PAX8: variants seen among roughly 807,000 people sequenced by gnomAD.
PAX8 encodes paired box 8.
A neutral mutation model predicts 52.4 loss-of-function variants in PAX8; 15 were observed. The observed-to-expected ratio is 0.29, with a 90% CI of 0.19 to 0.44. PAX8 has a LOEUF of 0.44. Among genes scored for constraint, PAX8 ranks in the 20% least tolerant of loss-of-function variants. The pLI is 1.00. For missense variants in PAX8, 554 were observed against 602.5 expected (o/e 0.92, Z 0.84); for synonymous variants, 284 against 249.7 (o/e 1.14, Z -1.29).
chr2:113,249,554 T>G (rs1691598955), intron 2 of PAX8, among the ~76,000 whole-genome samples: 1 of 151,990 alleles, frequency 6.6e-6, no homozygotes, highest in Admixed American at 6.6e-5. Context: ...AATGCCATTC[T>G]GGGGTGGCAT....
chr2:113,230,101 C>A (rs546309287), intron 9 of PAX8, among the ~76,000 whole-genome samples: 1 of 152,296 alleles, frequency 6.6e-6, no homozygotes, highest in East Asian at 1.9e-4. Flanking sequence ...CTGGTAGGGA[C>A]CTCCTGGCAC....
rs149393167 is a variant in PAX8, at chr2:113,253,970, A to G, written c.26-7051T>C. Among the ~76,000 whole-genome samples, 82 of 152,350 alleles carry G rather than the reference A, an allele frequency of 5.4e-4. 1 individual carries two copies. In the East Asian group the frequency reaches 0.014, roughly 26 times the overall value. On this transcript the variant is annotated intron_variant, in intron 2 of 11. Coordinates refer to ENST00000429538, the MANE Select transcript of PAX8 (RefSeq NM_003466.4). ...AATCATAACTGTCTTCTATCACCAGATAGAAAGCTCCATGAGGGGAAGACT... is the reference window on the plus strand; with the variant it reads ...AATCATAACTGTCTTCTATCACCAGGTAGAAAGCTCCATGAGGGGAAGACT...
At chr2:113,272,908 C>A (rs1364697214) in intron 2 of PAX8, 1 of 152,198 alleles carries the variant, frequency 6.6e-6, no homozygotes, top group East Asian at 1.9e-4. Context: ...CGAAGGGGGG[C>A]AGTGCACCAA....
Position 113,233,330 on chromosome 2 carries a change from G to GAA in PAX8, c.1087+2062_1087+2063dup, listed in dbSNP as rs35244828. ...ACATTAGGTGCTGGGATGTACGGAG[G>GAA]AAAAAAAAAAAAAAACCCGGGTGCC... On this transcript the variant is annotated intron_variant, in intron 9 of 11. Transcript: ENST00000429538. Among the ~76,000 whole-genome samples, 558 of 137,750 alleles carry GAA rather than the reference G, an allele frequency of 4.1e-3. 2 individuals carry two copies. Among genetic ancestry groups the GAA allele is most frequent in the Middle Eastern group, 7.5e-3 (2 of 268 alleles). The allele number at this position is 137,750 out of a possible 152,430, so 90.4% of individuals were successfully genotyped here.
chr2:113,231,821 T>C (rs993567534), intron 9 of PAX8, among the ~76,000 whole-genome samples: 3 of 152,196 alleles, frequency 2.0e-5, no homozygotes, highest in Non-Finnish European at 4.4e-5. Context: ...CTCCGCCTCC[T>C]GGGTTTAAGC....
Position 113,233,683 on chromosome 2 carries a change from A to C in PAX8, c.1087+1711T>G, listed in dbSNP as rs564991050. On this transcript the variant is annotated intron_variant, in intron 9 of 11. Coordinates refer to ENST00000429538, the MANE Select transcript of PAX8 (RefSeq NM_003466.4). ...ACAGAGTGAGATTCCATCTCAAAAAACAAAAAAACAAAAAAAAAAGGGTCC... is the reference window on the plus strand; with the variant it reads ...ACAGAGTGAGATTCCATCTCAAAAACCAAAAAAACAAAAAAAAAAGGGTCC... Among the ~76,000 whole-genome samples the C allele has an allele frequency of 1.8e-4, 26 of 143,036 alleles. No individual in the cohort carries two copies. In the South Asian group the frequency reaches 5.5e-3, roughly 30 times the overall value. The allele number at this position is 143,036 out of a possible 152,430, so 93.8% of individuals were successfully genotyped here.
Position 113,277,098 on chromosome 2 carries a change from C to T in PAX8, c.25+1272G>A, listed in dbSNP as rs533106235. Among the ~76,000 whole-genome samples the T allele has an allele frequency of 1.1e-4, 16 of 152,344 alleles. No homozygotes were observed. The South Asian group carries it at 3.3e-3, about 32-fold the overall frequency. On this transcript the variant is annotated intron_variant, in intron 2 of 11. Coordinates refer to ENST00000429538, the MANE Select transcript of PAX8 (RefSeq NM_003466.4). ...CCCAGGGCTCCCCAACCCCGCCGCG[C>T]CGGGGAATGGCTGCGAGGTCTCTCC... is the stretch of plus-strand genomic sequence containing the variant.
At chr2:113,265,502 C>T (rs895416) in intron 2 of PAX8, 32,933 of 152,474 alleles carry the variant, frequency 0.22, 3,684 homozygotes, top group Non-Finnish European at 0.24. Flanking sequence ...CTGGAACCTG[C>T]ACACCCTCCT....
At position 113,236,573 on chromosome 2, in the gene PAX8, C is replaced by T. The variant is rs1394393383; in HGVS notation, c.898+28G>A. The stretch of plus-strand genomic sequence containing the variant: ...AAGCTCTTCAGTCCCCCGCCCTCCA[C>T]CTGCCAGGGAGGCTCCGGGCGTTGT... On this transcript the variant is annotated intron_variant, in intron 8 of 11. Transcript: ENST00000429538. 2.6e-6 allele frequency: 4 copies of T among 1,549,838 alleles called. No individual in the cohort carries two copies. The East Asian group carries it at 9.7e-5, about 38-fold the overall frequency.
At chr2:113,221,091 G>A (rs968813285) in intron 10 of PAX8, among the ~76,000 whole-genome samples, 1 of 152,144 alleles carries the variant, frequency 6.6e-6, no homozygotes, top group African/African-American at 2.4e-5. Context: ...TACCCCATGA[G>A]GTACTCATGG....
intron 10 of PAX8, among the ~76,000 whole-genome samples, chr2:113,222,269 C>A (rs907819302): frequency 1.3e-5 from 2 of 152,234 alleles, no homozygotes; most frequent in African/African-American, 4.8e-5. Context: ...CCTTTTACCA[C>A]ACCCTACCCA....
intron 5 of PAX8, 130 bp from the exon 6 acceptor site, chr2:113,242,260 G>T: frequency 9.7e-6 from 7 of 721,620 alleles, no homozygotes; most frequent in African/African-American, 1.7e-5. Context: ...GCAAGGGGTG[G>T]GACACCCCTT....
intron 2 of PAX8, among the ~76,000 whole-genome samples, chr2:113,259,850 G>A (rs1692536767): frequency 6.6e-6 from 1 of 152,228 alleles, no homozygotes; most frequent in Non-Finnish European, 1.5e-5. Flanking sequence ...TCGCACACCA[G>A]GGCTGTGGAA....
intron 2 of PAX8, among the ~76,000 whole-genome samples, chr2:113,260,975 C>T (rs1276615306): frequency 6.6e-6 from 1 of 151,652 alleles, no homozygotes; most frequent in Non-Finnish European, 1.5e-5. Flanking sequence ...ATCCTGGGGA[C>T]CATAACAGGT....
rs1395652316 is a variant in PAX8, at chr2:113,241,551, C to G, written c.777G>C (p.Gln259His). Reference sequence around the variant, plus strand: ...CACCTCCCAGGGCCCAGCTTCTCACCTGCTCGCCTTTGGTGTGGCTGGGGG... The same window carrying G: ...CACCTCCCAGGGCCCAGCTTCTCACGTGCTCGCCTTTGGTGTGGCTGGGGG... ...YASPSHTKGE[Q>H]GLYPLPLLNS... Residue 259 changes from glutamine to histidine, a missense_variant and splice_region_variant, in exon 7 of 12, where the codon CAG (glutamine) becomes CAC (histidine). Physicochemically the swap from Gln to His is conservative, Grantham distance 24. This residue lies in a region of PAX8 where 445 missense variants were observed against 409.9 expected (regional missense o/e 1.09). Transcript: ENST00000429538. The G allele has an allele frequency of 2.5e-6, 4 of 1,607,172 alleles. No homozygotes were observed. The highest frequency in any genetic ancestry group is 3.4e-6 in the Non-Finnish European group (4 of 1,177,440).
At chr2:113,220,897 C>T (rs1255003705) in intron 10 of PAX8, among the ~76,000 whole-genome samples, 39 of 152,206 alleles carry the variant, frequency 2.6e-4, no homozygotes, top group Admixed American at 2.6e-3. Flanking sequence ...ATCAGATCAC[C>T]TCCTTCTGTT....
intron 2 of PAX8, among the ~76,000 whole-genome samples, chr2:113,262,219 A>G (rs928565188): frequency 2.0e-5 from 3 of 151,928 alleles, no homozygotes; most frequent in Non-Finnish European, 4.4e-5. Context: ...TTTTGCTATG[A>G]TGCTCAGGCT....
At chr2:113,256,650 GTGTGTA>G (rs10566237) in intron 2 of PAX8, among the ~76,000 whole-genome samples, 33,951 of 147,176 alleles carry the variant, frequency 0.23, 4,117 homozygotes, top group African/African-American at 0.35. Flanking sequence ...GTGTGTGTGT[GTGTGTA>G]TATATATATA....
chr2:113,243,383 T>C lies in PAX8; in HGVS notation c.390-605A>G, dbSNP rs1239992206. ...TCCCCTGCTCTTTATCTACTGGTTT[T>C]CTTTTCTTTCTTTCTTTTTTTTTTT... On this transcript the variant is annotated intron_variant, in intron 4 of 11. Transcript: ENST00000429538. 3.3e-5 allele frequency among the ~76,000 whole-genome samples: 3 copies of C among 91,016 alleles called. No individual in the cohort carries two copies. In the East Asian group the frequency reaches 1.1e-3, roughly 32 times the overall value. The allele number at this position is 91,016 out of a possible 152,430, so 59.7% of individuals were successfully genotyped here.
Sources: gnomAD v4.1 joint callset for allele counts (sites outside exome capture counted in the v4.1 genomes callset) on GRCh38, gnomAD v4.1.1 for gene constraint, gnomAD v4.1.1 regional missense constraint, MANE v1.5 for transcripts, NCBI Gene and HGNC (gene_info 2026-07-23, HGNC 2026-07-21) for gene names.